Variants in STIL observed in about 807,000 individuals in gnomAD.
STIL encodes SCL-interrupting locus protein.
Under a neutral mutation model 110.1 loss-of-function variants are expected in STIL, and 55 were observed. That is an observed-to-expected ratio of 0.50 (90% CI 0.40 to 0.63). The LOEUF (loss-of-function observed/expected upper bound fraction) is 0.63, where lower values mean the gene tolerates loss of function less well. Among genes scored for constraint, STIL ranks in the 20% least tolerant of loss-of-function variants. STIL has a pLI of 0.00. For synonymous variants in STIL, 481 were observed against 530.0 expected (o/e 0.91, Z 1.27); for missense variants, 1,358 against 1,530.0 (o/e 0.89, Z 1.87).
At chr1:47,258,861 C>T (rs2821090) in intron 16 of STIL, among the ~76,000 whole-genome samples, 64,571 of 151,810 alleles carry the variant, frequency 0.43, 15,844 homozygotes, top group South Asian at 0.55. Flanking sequence ...CAGAGCGAGA[C>T]TGTCTCAAAA....
intron 8 of STIL, among the ~76,000 whole-genome samples, chr1:47,291,980 C>T (rs1557756336): frequency 6.6e-6 from 1 of 151,804 alleles, no homozygotes; most frequent in Non-Finnish European, 1.5e-5. Context: ...TATCAGTCTC[C>T]TGCTGGGACT....
chr1:47,282,589 C>A (rs1481927424), intron 10 of STIL, 130 bp from the exon 11 acceptor site: 1 of 658,524 alleles, frequency 1.5e-6, no homozygotes, highest in Admixed American at 2.4e-5. Flanking sequence ...CTGACAACCA[C>A]AAATTATTTT....
intron 16 of STIL, 68 bp from the exon 17 acceptor site, chr1:47,251,990 C>T: frequency 6.8e-7 from 1 of 1,471,414 alleles, no homozygotes; most frequent in Non-Finnish European, 9.2e-7. Context: ...TCAATGTGTT[C>T]CATTCTATAC....
chr1:47,282,695 T>C (rs1274888051), intron 10 of STIL: 1 of 459,964 alleles, frequency 2.2e-6, no homozygotes, highest in East Asian at 4.2e-5. Context: ...TAACCTTGTA[T>C]TGTTAATGTC....
At chr1:47,266,113 C>G (rs1460029801) in intron 14 of STIL, among the ~76,000 whole-genome samples, 1 of 152,108 alleles carries the variant, frequency 6.6e-6, no homozygotes, top group African/African-American at 2.4e-5. Context: ...CCTGCAGGAA[C>G]TCAATCTAAC....
intron 3 of STIL, among the ~76,000 whole-genome samples, chr1:47,303,023 G>T (rs11211509): frequency 0.059 from 8,916 of 152,084 alleles, 845 homozygotes; most frequent in African/African-American, 0.2. Context: ...TGATTTAAAT[G>T]CTTTAAAAAA....
Position 47,251,449 on chromosome 1 carries a change from T to G in STIL, c.3554A>C (p.Glu1185Ala). Residue 1185 changes from glutamate (E) to alanine (A), a missense_variant, in exon 17 of 17, where the codon GAA becomes GCA. Transcript: ENST00000371877. ...DHEIINCSNC[E>A]SVGTNADTPV... ...CGTATCTGCGTTGGTCCCCACAGAT[T>G]CACAGTTAGAACAATTAATTATTTC... The G allele has an allele frequency of 6.2e-7, 1 of 1,614,216 alleles. No homozygotes were observed. Among genetic ancestry groups the G allele is most frequent in the Non-Finnish European group, 8.5e-7 (1 of 1,180,036 alleles).
rs541279034 is a variant in STIL, at chr1:47,275,487, A to G, written c.2218-3246T>C. 9.2e-5 allele frequency among the ~76,000 whole-genome samples: 14 copies of G among 152,154 alleles called. No homozygotes were observed. The South Asian group carries it at 2.9e-3, about 32-fold the overall frequency. ...GCCCGGCTTGGTGGCCAACGCCTGT[A>G]GTCCCAGCTACTCAGGAGGCTGAGG... On this transcript the variant is annotated intron_variant, in intron 12 of 16. Coordinates refer to ENST00000371877, the MANE Select transcript of STIL (RefSeq NM_001048166.1).
Position 47,272,681 on chromosome 1 carries a change from C to T in STIL, c.2218-440G>A, listed in dbSNP as rs752950016. Among the ~76,000 whole-genome samples the T allele has an allele frequency of 1.8e-4, 28 of 152,172 alleles. 1 individual carries two copies. The highest frequency in any genetic ancestry group is 3.2e-4 in the Non-Finnish European group (22 of 68,022). On this transcript the variant is annotated intron_variant, in intron 12 of 16. Transcript: ENST00000371877. ...CCCAGGCTGTTCTCAAACTCCTGGG[C>T]TCAAGCAATCTGCCCACCTCAGCCT... is the stretch of plus-strand genomic sequence containing the variant.
chr1:47,301,415 A>G (rs1645800790), intron 5 of STIL, 146 bp downstream of exon 5: 5 of 920,316 alleles, frequency 5.4e-6, no homozygotes, highest in Non-Finnish European at 6.8e-6. Context: ...TGCCCTCACA[A>G]ACACATTTAG....
At chr1:47,282,242 A>C in intron 11 of STIL, 103 bp downstream of exon 11, 1 of 765,010 alleles carries the variant, frequency 1.3e-6, no homozygotes, top group Non-Finnish European at 2.3e-6. Flanking sequence ...AGATATATCT[A>C]AGAATGATAC....
At chr1:47,309,824 A>C (rs1422942255) in intron 2 of STIL, among the ~76,000 whole-genome samples, 1 of 152,202 alleles carries the variant, frequency 6.6e-6, no homozygotes, top group Non-Finnish European at 1.5e-5. Flanking sequence ...AATTATTCCC[A>C]TCAAGGAATC....
chr1:47,291,691 G>A (rs577389633), intron 8 of STIL, among the ~76,000 whole-genome samples: 73 of 151,818 alleles, frequency 4.8e-4, no homozygotes, highest in African/African-American at 1.7e-3. Flanking sequence ...TCAACCTCCC[G>A]AGCAGCTGGG....
upstream of STIL, among the ~76,000 whole-genome samples, chr1:47,314,337 A>C (rs557677299): frequency 6.6e-5 from 10 of 152,294 alleles, no homozygotes; most frequent in South Asian, 2.1e-3. Flanking sequence ...TTCTTGGAGA[A>C]CTGCGGGCGC....
intron 12 of STIL, among the ~76,000 whole-genome samples, chr1:47,276,267 G>A (rs923491547): frequency 1.3e-5 from 2 of 151,982 alleles, no homozygotes; most frequent in African/African-American, 4.8e-5. Flanking sequence ...CTCCCAAAGT[G>A]CTGGGACTAC....
intron 12 of STIL, among the ~76,000 whole-genome samples, chr1:47,279,116 T>C (rs1240206670): frequency 1.3e-5 from 2 of 151,992 alleles, no homozygotes; most frequent in African/African-American, 2.4e-5. Flanking sequence ...GCTAACATAG[T>C]GAAACTCCGT....
rs1171920452 is a variant in STIL at position 47,280,290 on chromosome 1, T to C, written c.2168A>G (p.Tyr723Cys). The C allele has an allele frequency of 1.2e-6, 2 of 1,614,230 alleles. No homozygotes were observed. The highest frequency in any genetic ancestry group is 1.7e-6 in the Non-Finnish European group (2 of 1,180,048). The change falls in exon 12 of 17, where the codon TAT becomes TGT. Residue 723 changes from tyrosine (Y) to cysteine (C), a missense_variant. Coordinates refer to ENST00000371877, the MANE Select transcript of STIL (RefSeq NM_001048166.1). ...TCTGTCTTGTTCTGTGAGGAACCGATATGCATCTGGAGATAGTCCCATCAT... is the reference window on the plus strand; with the variant it reads ...TCTGTCTTGTTCTGTGAGGAACCGACATGCATCTGGAGATAGTCCCATCAT... ...NGMMGLSPDA[Y>C]RFLTEQDRQL...
At chr1:47,259,653 T>G (rs1644428823) in intron 16 of STIL, among the ~76,000 whole-genome samples, 1 of 152,190 alleles carries the variant, frequency 6.6e-6, no homozygotes, top group South Asian at 2.1e-4. Flanking sequence ...GCATTTTATC[T>G]TACACTCTCT....
At chr1:47,289,354 G>C in intron 9 of STIL, 81 bp downstream of exon 9, 2 of 1,098,556 alleles carry the variant, frequency 1.8e-6, no homozygotes. Context: ...CTATTTTAAA[G>C]GGTAAAAGCT....
Sources: allele counts gnomAD v4.1 joint callset (sites outside exome capture counted in the v4.1 genomes callset), GRCh38; gene constraint gnomAD v4.1.1; transcripts MANE v1.5; gene names NCBI Gene and HGNC (gene_info 2026-07-23, HGNC 2026-07-21).